Variants in TACR3 observed in about 807,000 individuals in gnomAD.
The protein encoded by TACR3 is tachykinin receptor 3.
In TACR3, 34 loss-of-function variants were observed where a neutral mutation model predicts 35.0. That is an observed-to-expected ratio of 0.97 (90% CI 0.74 to 1.30). The LOEUF is 1.30. Ranked by LOEUF, TACR3 falls within the 50% of genes most tolerant of loss-of-function variation. The pLI is 0.00. For missense variants in TACR3, 558 were observed against 591.7 expected, an observed-to-expected ratio of 0.94 and a Z score of 0.59; for synonymous variants, 233 against 221.1, an observed-to-expected ratio of 1.05 and a Z score of -0.48.
chr4:103,683,935 C>A (rs921355148), intron 1 of TACR3, among the ~76,000 whole-genome samples: 2 of 151,716 alleles, frequency 1.3e-5, no homozygotes, highest in Admixed American at 6.6e-5. Context: ...TAATTTGAGA[C>A]CGGTTTTAAT....
intron 1 of TACR3, among the ~76,000 whole-genome samples, chr4:103,664,213 C>T (rs1231997549): frequency 6.6e-6 from 1 of 152,182 alleles, no homozygotes; most frequent in Non-Finnish European, 1.5e-5. Flanking sequence ...TAATACTAGA[C>T]CGCTTTGCTT....
chr4:103,589,878 T>C lies in TACR3; in HGVS notation c.1202A>G (p.Tyr401Cys). 2 of 1,613,890 alleles carry C rather than the reference T, an allele frequency of 1.2e-6. No individual in the cohort carries two copies. The highest frequency in any genetic ancestry group is 2.2e-5 in the East Asian group (1 of 44,894). Reference sequence around the variant, plus strand: ...CATGGACTCCATTCTGGTCACGGTGTACATACTGCTTTGCCGGTTTGGATG... The same window carrying C: ...CATGGACTCCATTCTGGTCACGGTGCACATACTGCTTTGCCGGTTTGGATG... ...RFHPNRQSSM[Y>C]TVTRMESMTV... The change falls in exon 5 of 5, where the codon TAC becomes TGC. Residue 401 changes from tyrosine (Y) to cysteine (C), a missense_variant. Coordinates refer to ENST00000304883, the MANE Select transcript of TACR3 (RefSeq NM_001059.3).
intron 3 of TACR3, among the ~76,000 whole-genome samples, chr4:103,652,307 A>G (rs1191277911): frequency 6.6e-6 from 1 of 152,148 alleles, no homozygotes; most frequent in Non-Finnish European, 1.5e-5. Flanking sequence ...GGGCTGGATT[A>G]AATATTCCCT....
intron 3 of TACR3, among the ~76,000 whole-genome samples, chr4:103,629,515 A>C (rs1176015354): frequency 6.6e-6 from 1 of 152,142 alleles, no homozygotes; most frequent in African/African-American, 2.4e-5. Context: ...CAGAGATCCA[A>C]ATCATGAGTG....
intron 3 of TACR3, among the ~76,000 whole-genome samples, chr4:103,596,633 T>A (rs985964343): frequency 1.3e-5 from 2 of 152,138 alleles, no homozygotes; most frequent in Non-Finnish European, 2.9e-5. Context: ...CTTTAAGTTT[T>A]AGGGTACATG....
Position 103,589,133 on chromosome 4 carries a change from C to T in TACR3, c.*549G>A, listed in dbSNP as rs1344116924. The T allele has an allele frequency of 6.6e-6, 1 of 152,368 alleles. No homozygotes were observed. Among genetic ancestry groups the T allele is most frequent in the Non-Finnish European group, 1.5e-5 (1 of 68,256 alleles). The allele number at this position is 152,368 out of a possible 1,614,324, so 9.4% of individuals were successfully genotyped here. On this transcript the variant is annotated 3_prime_UTR_variant, in exon 5 of 5. Transcript: ENST00000304883. The stretch of plus-strand genomic sequence containing the variant: ...TAAATCTTTAAATCTTTACATTCTA[C>T]AAAATGAGTTTTCTTGAGCAAAGAT...
intron 1 of TACR3, among the ~76,000 whole-genome samples, chr4:103,679,923 T>A (rs532077144): frequency 1.4e-4 from 22 of 151,972 alleles, no homozygotes; most frequent in Admixed American, 5.9e-4. Flanking sequence ...ATATATATAT[T>A]TTTAAATATG....
At position 103,589,367 on chromosome 4, in the gene TACR3, G is replaced by A. The variant is rs1414076418; in HGVS notation, c.*315C>T. On this transcript the variant is annotated 3_prime_UTR_variant, in exon 5 of 5. Coordinates refer to ENST00000304883, the MANE Select transcript of TACR3 (RefSeq NM_001059.3). ...TATATATCATTTTAATGTCACAAAT[G>A]TATATTGCAATTTGTAAATGAGATA... 1 of 281,998 alleles carries A rather than the reference G, an allele frequency of 3.5e-6. No homozygotes were observed. Among genetic ancestry groups the A allele is most frequent in the Non-Finnish European group, 6.8e-6 (1 of 146,066 alleles). 17.5% of individuals were successfully genotyped at this position (281,998 alleles called of 1,614,324 possible).
At chr4:103,595,581 G>A (rs1723987331) in intron 3 of TACR3, among the ~76,000 whole-genome samples, 1 of 152,030 alleles carries the variant, frequency 6.6e-6, no homozygotes. Context: ...AATGCCTACA[G>A]TTGTTCTTAT....
intron 1 of TACR3, among the ~76,000 whole-genome samples, chr4:103,687,529 G>C (rs1455623578): frequency 3.3e-5 from 5 of 152,130 alleles, no homozygotes; most frequent in Admixed American, 6.6e-5. Flanking sequence ...TCCTTAAGCT[G>C]ATAGGCAACT....
At chr4:103,599,086 A>C (rs1307465931) in intron 3 of TACR3, among the ~76,000 whole-genome samples, 1 of 152,110 alleles carries the variant, frequency 6.6e-6, no homozygotes, top group Non-Finnish European at 1.5e-5. Flanking sequence ...CTACCCATGA[A>C]CATGGAATGT....
chr4:103,604,348 T>A (rs1358278847), intron 3 of TACR3, among the ~76,000 whole-genome samples: 3 of 152,204 alleles, frequency 2.0e-5, no homozygotes, highest in African/African-American at 4.8e-5. Context: ...TGCAGAAAAC[T>A]GAAACTGGAT....
intron 3 of TACR3, among the ~76,000 whole-genome samples, chr4:103,625,802 C>T (rs1724877385): frequency 6.6e-6 from 1 of 151,034 alleles, no homozygotes; most frequent in African/African-American, 2.4e-5. Flanking sequence ...TCCTAACCCC[C>T]AGTACCTTAC....
chr4:103,604,731 T>C (rs562675312), intron 3 of TACR3, among the ~76,000 whole-genome samples: 1 of 152,072 alleles, frequency 6.6e-6, no homozygotes, highest in Admixed American at 6.5e-5. Context: ...GCAAAGGATA[T>C]GAAGAGACAC....
chr4:103,612,419 C>T (rs1578226272), intron 3 of TACR3, among the ~76,000 whole-genome samples: 1 of 152,120 alleles, frequency 6.6e-6, no homozygotes, highest in South Asian at 2.1e-4. Context: ...GGCTTATTTC[C>T]TTCAGCTTTT....
intron 1 of TACR3, among the ~76,000 whole-genome samples, chr4:103,680,510 CACATATATATATACACATATATAT>C (rs1454109719): frequency 7.8e-6 from 1 of 127,438 alleles, no homozygotes; most frequent in Non-Finnish European, 1.6e-5. Context: ...CACACACACA[CACATATATATATACACATATATAT>C]ACATATATAT....
At chr4:103,653,108 G>A (rs3796962) in intron 3 of TACR3, among the ~76,000 whole-genome samples, 62,120 of 151,858 alleles carry the variant, frequency 0.41, 14,714 homozygotes, top group African/African-American at 0.66. Context: ...CATGATGTAA[G>A]GGGCCATTTC....
intron 3 of TACR3, 106 bp from the exon 4 acceptor site, chr4:103,591,789 C>G: frequency 9.3e-7 from 1 of 1,079,732 alleles, no homozygotes; most frequent in East Asian, 2.6e-5. Flanking sequence ...ACACATCATG[C>G]CTAGGGAATA....
At chr4:103,675,200 T>C (rs1203119459) in intron 1 of TACR3, among the ~76,000 whole-genome samples, 1 of 152,192 alleles carries the variant, frequency 6.6e-6, no homozygotes, top group Non-Finnish European at 1.5e-5. Flanking sequence ...CTATCAATGC[T>C]TGGATCTTGA....
Sources: gnomAD v4.1 joint callset for allele counts (sites outside exome capture counted in the v4.1 genomes callset) on GRCh38, gnomAD v4.1.1 for gene constraint, MANE v1.5 for transcripts, NCBI Gene and HGNC (gene_info 2026-07-23, HGNC 2026-07-21) for gene names.